Variants in MECOM observed in about 807,000 individuals in gnomAD.
MECOM encodes the protein MDS1 and EVI1 complex locus.
In MECOM, 13 loss-of-function variants were observed where a neutral mutation model predicts 116.3. That is an observed-to-expected ratio of 0.11 (90% CI 0.07 to 0.18). The LOEUF (loss-of-function observed/expected upper bound fraction) is 0.18. Among genes scored for constraint, MECOM ranks in the 10% least tolerant of loss-of-function variants. The pLI, the probability that MECOM is intolerant of heterozygous loss-of-function variation, is 1.00. For synonymous variants in MECOM, 528 were observed against 535.2 expected (o/e 0.99, Z 0.19); for missense variants, 1,299 against 1,509.0 (o/e 0.86, Z 2.31).
chr3:169,519,851 C>T (rs192707353), intron 1 of MECOM, among the ~76,000 whole-genome samples: 1 of 152,242 alleles, frequency 6.6e-6, no homozygotes, highest in Non-Finnish European at 1.5e-5. Flanking sequence ...GATAACCCCC[C>T]CTTGCCCATT....
rs79129078 is a variant in MECOM, at chr3:169,336,082, T to C, written c.375+45105A>G. Reference sequence around the variant, plus strand: ...TCTGGATTCATCTTTGGTGTTACTGTTTCTAATATCATTTTATATAAAATA... The same window carrying C: ...TCTGGATTCATCTTTGGTGTTACTGCTTCTAATATCATTTTATATAAAATA... On this transcript the variant is annotated intron_variant, in intron 2 of 16. Transcript: ENST00000651503. Among the ~76,000 whole-genome samples, 1,092 of 152,222 alleles carry C rather than the reference T, an allele frequency of 7.2e-3. 8 individuals carry two copies. The highest frequency in any genetic ancestry group is 0.011 in the Non-Finnish European group (739 of 67,982).
At chr3:169,514,410 G>A (rs961839217) in intron 1 of MECOM, among the ~76,000 whole-genome samples, 3 of 152,134 alleles carry the variant, frequency 2.0e-5, no homozygotes, top group Non-Finnish European at 2.9e-5. Flanking sequence ...GGGAGTCGGC[G>A]ACTAAAAGGT....
intron 1 of MECOM, among the ~76,000 whole-genome samples, chr3:169,488,160 G>C (rs935261540): frequency 2.0e-5 from 3 of 151,998 alleles, no homozygotes; most frequent in Non-Finnish European, 4.4e-5. Flanking sequence ...CCCAAAGTTA[G>C]TAGAAACACA....
At chr3:169,485,226 C>G (rs1285508641) in intron 1 of MECOM, among the ~76,000 whole-genome samples, 1 of 152,094 alleles carries the variant, frequency 6.6e-6, no homozygotes, top group East Asian at 1.9e-4. Flanking sequence ...AACTCCTGAC[C>G]TCAGGTGATC....
At position 169,663,480 on chromosome 3, in the gene MECOM, CTCTCTCTCTCT is replaced by C. The variant is rs1776597027; in HGVS notation, c.-119_-109del. 1.9e-5 allele frequency: 1 copy of C among 53,714 alleles called. No homozygotes were observed. Among genetic ancestry groups the C allele is most frequent in the Non-Finnish European group, 3.6e-5 (1 of 27,634 alleles). 3.3% of individuals were successfully genotyped at this position (53,714 alleles called of 1,614,324 possible). ...CTCCCTCCCTCTCTCTCCTGTCTCTCTCTCTCTCTCTCTCTCTCTCTCTCTCTCTCTCTCTC... is the reference window on the plus strand; with the variant it reads ...CTCCCTCCCTCTCTCTCCTGTCTCTCCTCTCTCTCTCTCTCTCTCTCTCTC... On this transcript the variant is annotated 5_prime_UTR_variant, in exon 1 of 17. Coordinates refer to ENST00000651503, the MANE Select transcript of MECOM (RefSeq NM_004991.4).
chr3:169,100,833 C>A, intron 12 of MECOM, 52 bp downstream of exon 12: 1 of 1,056,808 alleles, frequency 9.5e-7, no homozygotes, highest in East Asian at 3.3e-5. Flanking sequence ...TTAAAATAAA[C>A]TTTAATTATT....
chr3:169,355,922 G>T lies in MECOM; in HGVS notation c.375+25265C>A, dbSNP rs549245574. On this transcript the variant is annotated intron_variant, in intron 2 of 16. Transcript: ENST00000651503. Reference sequence around the variant, plus strand: ...ATTTTCATGAAAGGATTGAATGTTTGTTTTTGATGGGGATTTTTCTCCTGC... The same window carrying T: ...ATTTTCATGAAAGGATTGAATGTTTTTTTTTGATGGGGATTTTTCTCCTGC... Among the ~76,000 whole-genome samples, 3 of 151,768 alleles carry T rather than the reference G, an allele frequency of 2.0e-5. No homozygotes were observed. The South Asian group carries it at 6.2e-4, about 32-fold the overall frequency.
At chr3:169,348,964 G>C (rs1048410998) in intron 2 of MECOM, among the ~76,000 whole-genome samples, 2 of 151,832 alleles carry the variant, frequency 1.3e-5, no homozygotes, top group African/African-American at 2.4e-5. Flanking sequence ...ATGATTGGTT[G>C]TTAACCACTT....
At chr3:169,112,127 T>C (rs981574250) in intron 9 of MECOM, among the ~76,000 whole-genome samples, 2 of 152,170 alleles carry the variant, frequency 1.3e-5, no homozygotes, top group Admixed American at 6.5e-5. Context: ...GTGGAAAATA[T>C]GTAAACCTGT....
chr3:169,575,346 G>T (rs572465536), intron 1 of MECOM, among the ~76,000 whole-genome samples: 1 of 152,298 alleles, frequency 6.6e-6, no homozygotes, highest in Admixed American at 6.5e-5. Context: ...AGGGGAAGGT[G>T]TGCCCTGCGG....
At chr3:169,320,641 T>G (rs1024832365) in intron 2 of MECOM, among the ~76,000 whole-genome samples, 3 of 152,200 alleles carry the variant, frequency 2.0e-5, no homozygotes, top group Non-Finnish European at 4.4e-5. Context: ...CCATAATATT[T>G]TCAAGAAAAC....
intron 5 of MECOM, 105 bp from the exon 6 acceptor site, chr3:169,122,832 G>A: frequency 7.8e-7 from 1 of 1,282,612 alleles, no homozygotes; most frequent in Non-Finnish European, 1.1e-6. Context: ...GAAGGAAAAG[G>A]AGTTGAACTG....
At chr3:169,189,185 A>C (rs1424464079) in intron 2 of MECOM, among the ~76,000 whole-genome samples, 2 of 152,086 alleles carry the variant, frequency 1.3e-5, no homozygotes. Flanking sequence ...TTTAACAGTT[A>C]ATCACATTTT....
At chr3:169,181,173 G>A (rs1392116434) in intron 2 of MECOM, among the ~76,000 whole-genome samples, 12 of 152,114 alleles carry the variant, frequency 7.9e-5, no homozygotes, top group African/African-American at 2.9e-4. Flanking sequence ...AGGCTAGTGA[G>A]CCAGTCAGTT....
rs145716317 is a variant in MECOM at position 169,301,547 on chromosome 3, G to A, written c.375+79640C>T. On this transcript the variant is annotated intron_variant, in intron 2 of 16. Transcript: ENST00000651503. ...ACAAAGCAATGAAATGTAAGATGAT[G>A]TGAATGAGACCCTGAAATTTAAGGA... Among the ~76,000 whole-genome samples, 467 of 152,308 alleles carry A rather than the reference G, an allele frequency of 3.1e-3. 2 individuals carry two copies. The highest frequency in any genetic ancestry group is 0.024 in the Middle Eastern group (7 of 294).
At chr3:169,140,548 G>A (rs900868660) in intron 3 of MECOM, among the ~76,000 whole-genome samples, 1 of 151,914 alleles carries the variant, frequency 6.6e-6, no homozygotes, top group African/African-American at 2.4e-5. Flanking sequence ...AATGTTTTCA[G>A]AATGTGCATC....
At chr3:169,373,384 A>C (rs1276718395) in intron 2 of MECOM, among the ~76,000 whole-genome samples, 1 of 151,974 alleles carries the variant, frequency 6.6e-6, no homozygotes, top group African/African-American at 2.4e-5. Context: ...TTTCCAAAGT[A>C]CCTTACTTGG....
chr3:169,480,531 A>G (rs770679280), intron 1 of MECOM, among the ~76,000 whole-genome samples: 45 of 151,946 alleles, frequency 3.0e-4, no homozygotes, highest in Non-Finnish European at 3.8e-4. Flanking sequence ...CTTTGCCCGT[A>G]CCATTTATAA....
chr3:169,263,369 C>T (rs1757858137), intron 2 of MECOM, among the ~76,000 whole-genome samples: 1 of 151,614 alleles, frequency 6.6e-6, no homozygotes, highest in Non-Finnish European at 1.5e-5. Context: ...ACCTCATGAT[C>T]TGCCCGCCTT....
Sources: allele counts gnomAD v4.1 joint callset (sites outside exome capture counted in the v4.1 genomes callset), GRCh38; gene constraint gnomAD v4.1.1; transcripts MANE v1.5; gene names NCBI Gene and HGNC (gene_info 2026-07-23, HGNC 2026-07-21).